The following DDC variants were observed in gnomAD, a reference collection of about 807,000 sequenced individuals.
DDC encodes aromatic-L-amino-acid decarboxylase.
In DDC, 43 loss-of-function variants were observed where a neutral mutation model predicts 60.0. That is an observed-to-expected ratio of 0.72 (90% confidence interval 0.56 to 0.92). DDC has a LOEUF of 0.92. DDC is among the 40% of genes least tolerant of loss of function. The pLI is 0.00. For missense variants in DDC, 573 were observed against 620.2 expected (o/e 0.92, Z 0.81); for synonymous variants, 232 against 234.6 (o/e 0.99, Z 0.10).
intron 9 of DDC, 71 bp from the exon 10 acceptor site, chr7:50,479,934 C>A: frequency 2.4e-6 from 3 of 1,251,290 alleles, no homozygotes; most frequent in South Asian, 1.2e-5. Context: ...CCCCTCTCCC[C>A]ACCTGCCTCA....
intron 1 of DDC, among the ~76,000 whole-genome samples, chr7:50,547,780 C>T (rs959607857): frequency 6.6e-6 from 1 of 152,154 alleles, no homozygotes; most frequent in Non-Finnish European, 1.5e-5. Flanking sequence ...GCTGTACAAC[C>T]CAGCGTAAAT....
intron 9 of DDC, among the ~76,000 whole-genome samples, chr7:50,493,978 G>C (rs1049665027): frequency 6.6e-6 from 1 of 152,102 alleles, no homozygotes; most frequent in African/African-American, 2.4e-5. Context: ...CTGAATATTT[G>C]GAAAATTTTG....
At chr7:50,503,965 C>T in intron 7 of DDC, 28 bp downstream of exon 7, 1 of 1,569,498 alleles carries the variant, frequency 6.4e-7, no homozygotes, top group Non-Finnish European at 8.8e-7. Context: ...GAACATTTTC[C>T]AAAAAGAAAA....
chr7:50,500,021 G>A (rs1461832274), intron 7 of DDC, among the ~76,000 whole-genome samples: 1 of 152,172 alleles, frequency 6.6e-6, no homozygotes, highest in East Asian at 1.9e-4. Flanking sequence ...TGCTTGCCAG[G>A]ACCCCAGCAC....
At chr7:50,511,052 T>TAC (rs377138071) in intron 6 of DDC, among the ~76,000 whole-genome samples, 9,332 of 139,026 alleles carry the variant, frequency 0.067, 469 homozygotes, top group African/African-American at 0.14. Flanking sequence ...GATATATCTA[T>TAC]ACACACACAC....
chr7:50,522,386 C>A (rs1200639282), intron 6 of DDC, among the ~76,000 whole-genome samples: 1 of 152,026 alleles, frequency 6.6e-6, no homozygotes, highest in Non-Finnish European at 1.5e-5. Flanking sequence ...TATAAAGTCC[C>A]AGAAAGTTAT....
intron 4 of DDC, among the ~76,000 whole-genome samples, chr7:50,530,434 G>T (rs2044167365): frequency 6.6e-6 from 1 of 152,100 alleles, no homozygotes; most frequent in African/African-American, 2.4e-5. Flanking sequence ...GGGACTGTGA[G>T]AAAAGAAATT....
chr7:50,509,646 T>A (rs1286651304), intron 6 of DDC, among the ~76,000 whole-genome samples: 1 of 152,198 alleles, frequency 6.6e-6, no homozygotes, highest in Non-Finnish European at 1.5e-5. Flanking sequence ...AATTACTTCC[T>A]CTTAGCAAAT....
chr7:50,505,206 C>A (rs1023768809), intron 6 of DDC, among the ~76,000 whole-genome samples: 1 of 152,246 alleles, frequency 6.6e-6, no homozygotes, highest in South Asian at 2.1e-4. Context: ...GGGACCCTGT[C>A]TCATTGTTTT....
intron 5 of DDC, among the ~76,000 whole-genome samples, chr7:50,528,840 G>C (rs1445455254): frequency 1.3e-5 from 2 of 152,084 alleles, no homozygotes; most frequent in Non-Finnish European, 2.9e-5. Context: ...CCTGCTTGAC[G>C]CTACCCAGGG....
At chr7:50,482,350 A>G (rs1233781619) in intron 9 of DDC, among the ~76,000 whole-genome samples, 1 of 152,204 alleles carries the variant, frequency 6.6e-6, no homozygotes, top group Non-Finnish European at 1.5e-5. Context: ...TCCTTGATAA[A>G]GAATTTTTTG....
chr7:50,498,157 T>C lies in DDC; in HGVS notation c.876+991A>G, dbSNP rs535127306. 4.9e-4 allele frequency among the ~76,000 whole-genome samples: 75 copies of C among 152,342 alleles called. No individual in the cohort carries two copies. In the Middle Eastern group the frequency reaches 0.01, roughly 21 times the overall value. On this transcript the variant is annotated intron_variant, in intron 8 of 14. Coordinates refer to ENST00000444124, the MANE Select transcript of DDC (RefSeq NM_001082971.2). ...TGGCGACAATCCCACACCGGATGTA[T>C]TCTTATGAAATCTATTTTCTGGAGG... is the stretch of plus-strand genomic sequence containing the variant.
At chr7:50,510,619 A>T (rs1047546826) in intron 6 of DDC, among the ~76,000 whole-genome samples, 6 of 148,888 alleles carry the variant, frequency 4.0e-5, no homozygotes, top group Admixed American at 6.8e-5. Flanking sequence ...CAGTGAGCTG[A>T]GATCACATCA....
At chr7:50,537,037 GTTT>G (rs10574868) in intron 4 of DDC, among the ~76,000 whole-genome samples, 1,543 of 140,308 alleles carry the variant, frequency 0.011, 13 homozygotes, top group African/African-American at 0.029. Context: ...CTAGGAAGTT[GTTT>G]TTTTTTTTTT....
At chr7:50,496,789 C>T (rs1330477343) in intron 8 of DDC, among the ~76,000 whole-genome samples, 1 of 152,098 alleles carries the variant, frequency 6.6e-6, no homozygotes, top group Non-Finnish European at 1.5e-5. Context: ...TTCCCAAGGC[C>T]CTAGGGCACC....
Position 50,553,032 on chromosome 7 carries a change from A to G in DDC, c.-28-8919T>C, listed in dbSNP as rs543293218. Reference sequence around the variant, plus strand: ...TGGGCACTGCAATTTCACTCTTAGGACTTCTCTGCCACAGCCACTGAAGAG... The same window carrying G: ...TGGGCACTGCAATTTCACTCTTAGGGCTTCTCTGCCACAGCCACTGAAGAG... On this transcript the variant is annotated intron_variant, in intron 1 of 14. Coordinates refer to ENST00000444124, the MANE Select transcript of DDC (RefSeq NM_001082971.2). Among the ~76,000 whole-genome samples the G allele has an allele frequency of 9.9e-5, 15 of 152,282 alleles. 1 individual carries two copies. The highest frequency in any genetic ancestry group is 3.3e-4 in the Admixed American group (5 of 15,294).
chr7:50,514,854 C>T (rs545138320), intron 6 of DDC, among the ~76,000 whole-genome samples: 61 of 152,216 alleles, frequency 4.0e-4, no homozygotes, highest in Admixed American at 3.4e-3. Context: ...TTTGAATTAA[C>T]GCAATCCAAC....
chr7:50,539,909 C>A lies in DDC; in HGVS notation c.315+6G>T, dbSNP rs2153549097. The A allele has an allele frequency of 1.2e-6, 2 of 1,611,882 alleles. No individual in the cohort carries two copies. The highest frequency in any genetic ancestry group is 1.7e-6 in the Non-Finnish European group (2 of 1,178,264). ...ACCCCTTCCCGAGGTGCATCCGGACCCTCACCCAGGAGAAGCCGATGCAGC... is the reference window on the plus strand; with the variant it reads ...ACCCCTTCCCGAGGTGCATCCGGACACTCACCCAGGAGAAGCCGATGCAGC... On this transcript the variant is annotated splice_donor_region_variant and intron_variant, in intron 3 of 14. Transcript: ENST00000444124.
chr7:50,473,417 C>T (rs879592333), intron 11 of DDC, among the ~76,000 whole-genome samples: 3 of 152,104 alleles, frequency 2.0e-5, no homozygotes, highest in African/African-American at 7.2e-5. Context: ...GCCTGTGCTT[C>T]GCATTTAGAA....
Sources: allele counts gnomAD v4.1 joint callset (sites outside exome capture counted in the v4.1 genomes callset), GRCh38; gene constraint gnomAD v4.1.1; transcripts MANE v1.5; gene names NCBI Gene and HGNC (gene_info 2026-07-23, HGNC 2026-07-21).